ERBB4: variants seen among roughly 807,000 people sequenced by gnomAD.
ERBB4 encodes the protein receptor tyrosine-protein kinase erbB-4.
Under a neutral mutation model 158.0 loss-of-function variants are expected in ERBB4, and 42 were observed. The ratio of observed to expected loss-of-function variants is 0.27; its 90% CI spans 0.21 to 0.34. ERBB4 has a LOEUF of 0.34. Ranked by LOEUF, ERBB4 falls within the 10% of genes least tolerant of loss-of-function variation. The probability of loss-of-function intolerance (pLI) is 1.00; values close to 1 mark genes in which losing one functional copy is unlikely to be tolerated. For missense variants in ERBB4, 1,333 were observed against 1,624.1 expected, an observed-to-expected ratio of 0.82 and a Z score of 3.08; for synonymous variants, 583 against 558.7, an observed-to-expected ratio of 1.04 and a Z score of -0.61.
intron 20 of ERBB4, among the ~76,000 whole-genome samples, chr2:211,497,793 T>C (rs1169678299): frequency 1.3e-5 from 2 of 152,138 alleles, no homozygotes; most frequent in Admixed American, 6.5e-5. Flanking sequence ...AAATAAAATA[T>C]ACCTTGCTAC....
chr2:212,225,684 T>A (rs2083446762), intron 1 of ERBB4, among the ~76,000 whole-genome samples: 1 of 151,754 alleles, frequency 6.6e-6, no homozygotes. Flanking sequence ...AATTCATATA[T>A]ATTATACAAT....
chr2:212,377,526 G>C (rs568450761), intron 1 of ERBB4, among the ~76,000 whole-genome samples: 3 of 151,732 alleles, frequency 2.0e-5, no homozygotes, highest in Non-Finnish European at 2.9e-5. Context: ...AAATGTTTGT[G>C]TATTTAAACA....
At chr2:212,389,845 A>G (rs2090797432) in intron 1 of ERBB4, among the ~76,000 whole-genome samples, 1 of 151,972 alleles carries the variant, frequency 6.6e-6, no homozygotes, top group Admixed American at 6.6e-5. Flanking sequence ...ATAATTTTAC[A>G]TAAGACAGGT....
At chr2:211,626,835 G>C (rs1014291783) in intron 17 of ERBB4, among the ~76,000 whole-genome samples, 3 of 151,930 alleles carry the variant, frequency 2.0e-5, no homozygotes, top group Admixed American at 6.6e-5. Flanking sequence ...TGAGACAGGA[G>C]AACGGCGTGA....
chr2:212,487,042 TG>T (rs1465754925), intron 1 of ERBB4, among the ~76,000 whole-genome samples: 3 of 152,192 alleles, frequency 2.0e-5, no homozygotes, highest in Non-Finnish European at 2.9e-5. Context: ...TACTCATGTT[TG>T]TGAAAAATAT....
At chr2:212,245,332 G>A (rs2084268124) in intron 1 of ERBB4, among the ~76,000 whole-genome samples, 1 of 151,998 alleles carries the variant, frequency 6.6e-6, no homozygotes, top group African/African-American at 2.4e-5. Context: ...TATATAAACT[G>A]GTTTTCTACA....
At chr2:211,928,988 T>C (rs1189429935) in intron 3 of ERBB4, among the ~76,000 whole-genome samples, 1 of 152,096 alleles carries the variant, frequency 6.6e-6, no homozygotes, top group East Asian at 1.9e-4. Flanking sequence ...AGTAGGAAAA[T>C]ATATATGTCT....
chr2:212,238,935 A>G (rs2083981638), intron 1 of ERBB4, among the ~76,000 whole-genome samples: 1 of 152,228 alleles, frequency 6.6e-6, no homozygotes, highest in South Asian at 2.1e-4. Context: ...ATCTTCATGA[A>G]AAGAATAATT....
intron 3 of ERBB4, among the ~76,000 whole-genome samples, chr2:211,923,879 C>T (rs796665011): frequency 1.5e-4 from 23 of 152,162 alleles, no homozygotes; most frequent in African/African-American, 5.1e-4. Flanking sequence ...TGCACCATCA[C>T]GCCAAGCTAA....
Position 212,047,596 on chromosome 2 carries a change from G to A in ERBB4, c.234+77156C>T, listed in dbSNP as rs190782840. 1.6e-3 allele frequency among the ~76,000 whole-genome samples: 242 copies of A among 151,262 alleles called. 1 individual carries two copies. The Middle Eastern group carries it at 0.024, about 15-fold the overall frequency. On this transcript the variant is annotated intron_variant, in intron 2 of 27. Coordinates refer to ENST00000342788, the MANE Select transcript of ERBB4 (RefSeq NM_005235.3). ...CAAGCAATTCTCCTGTCTTAGCTTCGCAAGTAGTTGGGACTACAGGTACCC... is the reference window on the plus strand; with the variant it reads ...CAAGCAATTCTCCTGTCTTAGCTTCACAAGTAGTTGGGACTACAGGTACCC...
intron 19 of ERBB4, among the ~76,000 whole-genome samples, chr2:211,566,200 A>G (rs1367009808): frequency 2.0e-5 from 3 of 152,180 alleles, no homozygotes; most frequent in African/African-American, 4.8e-5. Context: ...AGGAAAGATC[A>G]CTGTAGAAAC....
chr2:212,307,897 T>C lies in ERBB4; in HGVS notation c.83-182994A>G, dbSNP rs2086872109. On this transcript the variant is annotated intron_variant, in intron 1 of 27. Transcript: ENST00000342788. The stretch of plus-strand genomic sequence containing the variant: ...CTAGGAGCAGCCAAAGGTAGACTAA[T>C]GTTTTTGAACAGCAGCATTGCATCT... 2.0e-5 allele frequency among the ~76,000 whole-genome samples: 3 copies of C among 151,020 alleles called. No individual in the cohort carries two copies. In the South Asian group the frequency reaches 6.2e-4, roughly 31 times the overall value.
At chr2:212,413,506 G>A (rs1416383400) in intron 1 of ERBB4, among the ~76,000 whole-genome samples, 1 of 151,718 alleles carries the variant, frequency 6.6e-6, no homozygotes, top group Non-Finnish European at 1.5e-5. Context: ...TTTAATTATG[G>A]TGATCATAAT....
At chr2:211,651,703 G>T (rs2070993346) in intron 16 of ERBB4, among the ~76,000 whole-genome samples, 1 of 151,616 alleles carries the variant, frequency 6.6e-6, no homozygotes, top group Admixed American at 6.6e-5. Flanking sequence ...TGGGGGTGGG[G>T]TGGGAAGGGC....
intron 1 of ERBB4, among the ~76,000 whole-genome samples, chr2:212,359,118 A>T (rs2089582828): frequency 6.6e-6 from 1 of 151,708 alleles, no homozygotes; most frequent in South Asian, 2.1e-4. Flanking sequence ...TGTTCTTAAA[A>T]ATCATGAAAT....
chr2:212,511,230 T>G (rs73069031), intron 1 of ERBB4, among the ~76,000 whole-genome samples: 4,952 of 152,204 alleles, frequency 0.033, 283 homozygotes, highest in African/African-American at 0.11. Context: ...GCAAACAGAG[T>G]ATCTTTTCAT....
chr2:211,692,573 TC>T (rs1427029161), intron 12 of ERBB4, among the ~76,000 whole-genome samples: 1 of 152,124 alleles, frequency 6.6e-6, no homozygotes, highest in Non-Finnish European at 1.5e-5. Flanking sequence ...GTTCCTTGCC[TC>T]TTTCAGCTTT....
intron 1 of ERBB4, among the ~76,000 whole-genome samples, chr2:212,466,238 C>T (rs895764086): frequency 2.6e-5 from 4 of 152,176 alleles, no homozygotes; most frequent in Admixed American, 6.5e-5. Context: ...CAGGTTTGAA[C>T]TGCATGGGTC....
intron 1 of ERBB4, among the ~76,000 whole-genome samples, chr2:212,488,335 C>A (rs1690093910): frequency 6.6e-6 from 1 of 151,978 alleles, no homozygotes; most frequent in East Asian, 1.9e-4. Flanking sequence ...CTCTCTCTCT[C>A]TCTCTCTCCT....
Sources: gnomAD v4.1 joint callset for allele counts (sites outside exome capture counted in the v4.1 genomes callset) on GRCh38, gnomAD v4.1.1 for gene constraint, MANE v1.5 for transcripts, NCBI Gene and HGNC (gene_info 2026-07-23, HGNC 2026-07-21) for gene names.